Variants in EHBP1 observed in about 807,000 individuals in gnomAD.
The protein encoded by EHBP1 is EH domain binding protein 1.
EHBP1 carries 55 observed loss-of-function variants against 144.0 expected under a neutral mutation model. That is an observed-to-expected ratio of 0.38 (90% CI 0.31 to 0.48). The LOEUF is 0.48. Among genes scored for constraint, EHBP1 ranks in the 20% least tolerant of loss-of-function variants. The probability of loss-of-function intolerance (pLI) is 0.98; values close to 1 mark genes in which losing one functional copy is unlikely to be tolerated. For missense variants in EHBP1, 1,200 were observed against 1,364.2 expected (o/e 0.88, Z 1.90); for synonymous variants, 469 against 472.7 (o/e 0.99, Z 0.10).
At chr2:62,819,547 G>C (rs1443387154) in intron 5 of EHBP1, among the ~76,000 whole-genome samples, 3 of 151,910 alleles carry the variant, frequency 2.0e-5, no homozygotes, top group African/African-American at 4.8e-5. Context: ...CCTGAGGTTG[G>C]GGGTGTGGGA....
chr2:63,014,647 A>T (rs2060408847), intron 19 of EHBP1, among the ~76,000 whole-genome samples: 1 of 152,236 alleles, frequency 6.6e-6, no homozygotes, highest in African/African-American at 2.4e-5. Context: ...ACCTAGAAAG[A>T]AGAAAAAACC....
chr2:62,935,545 A>G (rs2056327378), intron 10 of EHBP1, among the ~76,000 whole-genome samples: 2 of 151,936 alleles, frequency 1.3e-5, no homozygotes, highest in South Asian at 4.2e-4. Flanking sequence ...GGTTTTGTAC[A>G]TTGATTTTGT....
At chr2:62,917,411 C>T (rs113466155) in intron 10 of EHBP1, among the ~76,000 whole-genome samples, 11 of 152,186 alleles carry the variant, frequency 7.2e-5, no homozygotes, top group Admixed American at 2.0e-4. Context: ...TTATGCAGTA[C>T]GTGACTATGT....
At position 62,947,617 on chromosome 2, in the gene EHBP1, A is replaced by G. The variant is rs1380033687; in HGVS notation, c.1414-643A>G. Among the ~76,000 whole-genome samples, 2 of 152,216 alleles carry G rather than the reference A, an allele frequency of 1.3e-5. 1 individual carries two copies. Among genetic ancestry groups the G allele is most frequent in the Non-Finnish European group, 2.9e-5 (2 of 68,008 alleles). ...GAAACAGCTTAGATTATTCAAAACT[A>G]GAAAAACCTGATGTGCCACAGTCAT... On this transcript the variant is annotated intron_variant, in intron 12 of 22. Coordinates refer to ENST00000431489, the MANE Select transcript of EHBP1 (RefSeq NM_001142616.3).
chr2:62,804,870 A>G (rs920852246), intron 5 of EHBP1, among the ~76,000 whole-genome samples: 4 of 152,166 alleles, frequency 2.6e-5, no homozygotes, highest in African/African-American at 4.8e-5. Flanking sequence ...TGTGCATGCA[A>G]GGGATCTAGG....
At chr2:63,016,092 A>C (rs773815598) in intron 19 of EHBP1, among the ~76,000 whole-genome samples, 1 of 152,226 alleles carries the variant, frequency 6.6e-6, no homozygotes, top group Non-Finnish European at 1.5e-5. Flanking sequence ...ATCTGTAATA[A>C]TAAAGAAACC....
intron 15 of EHBP1, among the ~76,000 whole-genome samples, chr2:62,988,665 A>G (rs1426796565): frequency 6.6e-6 from 1 of 152,134 alleles, no homozygotes; most frequent in African/African-American, 2.4e-5. Flanking sequence ...TAATAGGTGA[A>G]TGTTCCAAAT....
chr2:62,979,840 A>G (rs1378973486), intron 15 of EHBP1, among the ~76,000 whole-genome samples: 4 of 152,146 alleles, frequency 2.6e-5, no homozygotes, highest in East Asian at 1.9e-4. Context: ...GTCTTCTTCA[A>G]TATCTGCAGA....
rs141595014 is a variant in EHBP1, at chr2:62,727,344, T to G, written c.104+20049T>G. ...GGTATAACTCATGTACTAAACAGTT[T>G]GCCCTTTTAAAGTGTACAATTCAGT... On this transcript the variant is annotated intron_variant, in intron 2 of 22. Coordinates refer to ENST00000431489, the MANE Select transcript of EHBP1 (RefSeq NM_001142616.3). 2.6e-5 allele frequency among the ~76,000 whole-genome samples: 4 copies of G among 152,226 alleles called. No homozygotes were observed. The East Asian group carries it at 7.7e-4, about 29-fold the overall frequency.
chr2:62,699,081 A>G (rs568386150), intron 1 of EHBP1, among the ~76,000 whole-genome samples: 46 of 152,330 alleles, frequency 3.0e-4, no homozygotes, highest in African/African-American at 1.1e-3. Context: ...CTCCAAGATT[A>G]TGAATTTCTA....
chr2:62,950,986 G>T (rs905665707), intron 13 of EHBP1, among the ~76,000 whole-genome samples: 27 of 152,050 alleles, frequency 1.8e-4, no homozygotes, highest in Admixed American at 4.6e-4. Flanking sequence ...CGCCCGGCCC[G>T]AACCTCTGAA....
At chr2:62,675,995 G>A (rs760272757) in intron 1 of EHBP1, among the ~76,000 whole-genome samples, 5 of 152,102 alleles carry the variant, frequency 3.3e-5, no homozygotes, top group Admixed American at 1.3e-4. Flanking sequence ...AGCTCAAGTA[G>A]CCGGCCAGCC....
At position 62,747,440 on chromosome 2, in the gene EHBP1, G is replaced by GA; in HGVS notation, c.152dup (p.Ser52ValfsTer3). 6.2e-7 allele frequency: 1 copy of GA among 1,609,144 alleles called. No individual in the cohort carries two copies. Among genetic ancestry groups the GA allele is most frequent in the Non-Finnish European group, 8.5e-7 (1 of 1,177,424 alleles). ...TAGTTTGGACCAGAAGAAGCCGAAGGAAGTCTTCTAAGGTTAGTGTATTTT... is the reference window on the plus strand; with the variant it reads ...TAGTTTGGACCAGAAGAAGCCGAAGGAAAGTCTTCTAAGGTTAGTGTATTTT... On this transcript the variant is annotated frameshift_variant, in exon 3 of 23. Transcript: ENST00000431489. LOFTEE classifies it high-confidence loss of function.
intron 1 of EHBP1, among the ~76,000 whole-genome samples, chr2:62,696,655 A>C (rs2034111304): frequency 6.6e-6 from 1 of 150,694 alleles, no homozygotes; most frequent in South Asian, 2.1e-4. Flanking sequence ...CTGGGACTAC[A>C]GGCGCCAGCC....
chr2:62,749,159 C>A (rs545733149), intron 3 of EHBP1, among the ~76,000 whole-genome samples: 9 of 152,162 alleles, frequency 5.9e-5, no homozygotes, highest in Non-Finnish European at 1.0e-4. Flanking sequence ...AACAGGCCCC[C>A]TGTGTGTGAT....
chr2:62,879,134 C>T (rs2051147363), intron 10 of EHBP1, among the ~76,000 whole-genome samples: 1 of 151,886 alleles, frequency 6.6e-6, no homozygotes, highest in South Asian at 2.1e-4. Context: ...ATTAAAGGAA[C>T]ATACCTCAAA....
chr2:62,674,351 TG>T (rs2033209783), intron 1 of EHBP1, among the ~76,000 whole-genome samples: 1 of 152,230 alleles, frequency 6.6e-6, no homozygotes, highest in Admixed American at 6.5e-5. Context: ...TGGCAATATT[TG>T]AAGAGCTCCC....
At chr2:62,875,367 A>G (rs867852399) in intron 10 of EHBP1, among the ~76,000 whole-genome samples, 1 of 152,230 alleles carries the variant, frequency 6.6e-6, no homozygotes. Context: ...CATGCAGCCC[A>G]CGAGTGCTGA....
intron 10 of EHBP1, among the ~76,000 whole-genome samples, chr2:62,933,714 T>C (rs1201153276): frequency 6.6e-6 from 1 of 152,198 alleles, no homozygotes; most frequent in African/African-American, 2.4e-5. Flanking sequence ...TTCTGAAATG[T>C]TGGCAAAGTT....
Sources: allele counts gnomAD v4.1 joint callset (sites outside exome capture counted in the v4.1 genomes callset), GRCh38; gene constraint gnomAD v4.1.1; transcripts MANE v1.5; gene names NCBI Gene and HGNC (gene_info 2026-07-23, HGNC 2026-07-21).